The following SGCD variants were observed in gnomAD, a reference collection of about 807,000 sequenced individuals.
SGCD encodes sarcoglycan delta, also known as delta-sarcoglycan.
SGCD carries 18 observed loss-of-function variants against 36.6 expected under a neutral mutation model. The ratio of observed to expected loss-of-function variants is 0.49; its 90% CI spans 0.34 to 0.73. The LOEUF is 0.73. SGCD is among the 30% of genes least tolerant of loss of function. The probability of loss-of-function intolerance (pLI) is 0.01; values close to 1 mark genes in which losing one functional copy is unlikely to be tolerated. For synonymous variants in SGCD, 133 were observed against 130.6 expected (o/e 1.02, Z -0.12); for missense variants, 387 against 346.7 (o/e 1.12, Z -0.92).
intron 3 of SGCD, among the ~76,000 whole-genome samples, chr5:156,287,517 A>G (rs1277225238): frequency 6.6e-6 from 1 of 152,090 alleles, no homozygotes; most frequent in Non-Finnish European, 1.5e-5. Flanking sequence ...GGTGGAAAGA[A>G]ATAGGTGGTA....
At position 156,243,632 on chromosome 5, in the gene SGCD, C is replaced by T. The variant is rs1055699062; in HGVS notation, c.-43-85902C>T. On this transcript the variant is annotated intron_variant, in intron 3 of 9. Coordinates refer to the SGCD transcript ENST00000517913. ...AACAGTGACATCCAATAGCATGTAA[C>T]ACATGTAACACTCAAATATTGATTT... Among the ~76,000 whole-genome samples, 3 of 152,254 alleles carry T rather than the reference C, an allele frequency of 2.0e-5. No individual in the cohort carries two copies. The East Asian group carries it at 5.8e-4, about 29-fold the overall frequency.
intron 4 of SGCD, among the ~76,000 whole-genome samples, chr5:156,542,198 C>G (rs1758373856): frequency 6.6e-6 from 1 of 152,044 alleles, no homozygotes; most frequent in Non-Finnish European, 1.5e-5. Context: ...AGTAAGACAA[C>G]AGGTGCAATT....
intron 3 of SGCD, among the ~76,000 whole-genome samples, chr5:156,245,893 A>G (rs1215507186): frequency 6.6e-6 from 1 of 152,178 alleles, no homozygotes; most frequent in East Asian, 1.9e-4. Flanking sequence ...TCTCAAGAAA[A>G]GGGTGGCTAT....
chr5:155,842,934 TC>T, the SGCD span, among the ~76,000 whole-genome samples: 1 of 152,200 alleles, frequency 6.6e-6, no homozygotes, highest in Non-Finnish European at 1.5e-5. Context: ...CAGTTGTTTT[TC>T]GATTCTTTTC....
At chr5:155,739,665 T>C in the SGCD span, among the ~76,000 whole-genome samples, 2 of 152,166 alleles carry the variant, frequency 1.3e-5, no homozygotes, top group African/African-American at 4.8e-5. Context: ...CCAGTAAACA[T>C]TTATTCAGTC....
At chr5:156,050,776 A>G (rs1759895645) in intron 1 of SGCD, among the ~76,000 whole-genome samples, 1 of 146,734 alleles carries the variant, frequency 6.8e-6, no homozygotes, top group East Asian at 1.9e-4. Flanking sequence ...TCTAGAAGTT[A>G]TCTGCATTCC....
chr5:156,277,956 A>G (rs1766358781), intron 3 of SGCD, among the ~76,000 whole-genome samples: 1 of 152,178 alleles, frequency 6.6e-6, no homozygotes, highest in South Asian at 2.1e-4. Context: ...ACAATTGTAT[A>G]AGCAGTAAAG....
At chr5:155,916,048 G>A (rs1756727984) in intron 1 of SGCD, among the ~76,000 whole-genome samples, 1 of 152,168 alleles carries the variant, frequency 6.6e-6, no homozygotes, top group Admixed American at 6.6e-5. Context: ...ATTTTTACAA[G>A]CCCCCGGAGG....
chr5:156,689,817 T>G (rs1473937378), intron 7 of SGCD, among the ~76,000 whole-genome samples: 2 of 152,170 alleles, frequency 1.3e-5, no homozygotes, highest in Admixed American at 6.5e-5. Context: ...GTTCTGTGTC[T>G]TAAGCCCTGG....
rs1371673084 is a variant in SGCD, at chr5:156,021,786, G to A, written c.-281-96092G>A. Among the ~76,000 whole-genome samples, 5 of 152,206 alleles carry A rather than the reference G, an allele frequency of 3.3e-5. No individual in the cohort carries two copies. The East Asian group carries it at 9.7e-4, about 29-fold the overall frequency. On this transcript the variant is annotated intron_variant, in intron 1 of 9. Transcript: ENST00000517913. ...CAGGAGCCAGAGGAAGGAGCATGAG[G>A]GTGAGAAGCAGAAAGCATGAGAAGA...
intron 3 of SGCD, among the ~76,000 whole-genome samples, chr5:156,352,235 G>T (rs534622235): frequency 5.9e-5 from 9 of 152,286 alleles, no homozygotes; most frequent in African/African-American, 2.2e-4. Context: ...TCAGTGGATG[G>T]CATGATATCT....
At position 155,900,465 on chromosome 5, in the gene SGCD, G is replaced by A. The variant is rs138749097; in HGVS notation, c.-282+30041G>A. 9.7e-3 allele frequency among the ~76,000 whole-genome samples: 1,466 copies of A among 151,660 alleles called. 33 individuals are homozygous for A. Among genetic ancestry groups the A allele is most frequent in the African/African-American group, 0.034 (1,407 of 41,354 alleles). Reference sequence around the variant, plus strand: ...ATACTTTAAGTCTTAGGGTACATGTGCACAATATGCAGGTTAGTTACATAT... The same window carrying A: ...ATACTTTAAGTCTTAGGGTACATGTACACAATATGCAGGTTAGTTACATAT... On this transcript the variant is annotated intron_variant, in intron 1 of 9. Transcript: ENST00000517913.
At chr5:156,071,372 C>G (rs1760556770) in intron 1 of SGCD, among the ~76,000 whole-genome samples, 1 of 152,232 alleles carries the variant, frequency 6.6e-6, no homozygotes, top group South Asian at 2.1e-4. Flanking sequence ...TTATTTCTGC[C>G]TTCATTTCGT....
intron 6 of SGCD, among the ~76,000 whole-genome samples, chr5:156,619,162 A>G (rs1762141661): frequency 6.6e-6 from 1 of 151,874 alleles, no homozygotes; most frequent in Admixed American, 6.6e-5. Flanking sequence ...AGTAGCTGGG[A>G]CTACAGGCAC....
chr5:155,873,070 C>A (rs1214176451), intron 1 of SGCD, among the ~76,000 whole-genome samples: 1 of 152,140 alleles, frequency 6.6e-6, no homozygotes, highest in Non-Finnish European at 1.5e-5. Context: ...GTTATTGCCC[C>A]TTCAGGTACC....
intron 1 of SGCD, among the ~76,000 whole-genome samples, chr5:156,082,889 G>A (rs1581087969): frequency 6.6e-6 from 1 of 151,906 alleles, no homozygotes; most frequent in Non-Finnish European, 1.5e-5. Context: ...GTATGTATAT[G>A]TGATCCAGTT....
intron 1 of SGCD, among the ~76,000 whole-genome samples, chr5:156,044,889 A>G (rs77732553): frequency 0.067 from 10,192 of 152,166 alleles, 418 homozygotes; most frequent in Middle Eastern, 0.1. Context: ...ATATACACAC[A>G]TGCACACTGC....
At chr5:155,813,372 G>T in the SGCD span, among the ~76,000 whole-genome samples, 1 of 152,168 alleles carries the variant, frequency 6.6e-6, no homozygotes, top group African/African-American at 2.4e-5. Flanking sequence ...AACTGCAAGA[G>T]ATTTTTGCTT....
chr5:156,651,453 A>G (rs449858), intron 7 of SGCD, among the ~76,000 whole-genome samples: 131,138 of 152,126 alleles, frequency 0.86, 56,703 homozygotes, highest in East Asian at 0.99. Context: ...TAAATATTTA[A>G]TCCATCTTTA....
Sources: gnomAD v4.1 joint callset for allele counts (sites outside exome capture counted in the v4.1 genomes callset) on GRCh38, gnomAD v4.1.1 for gene constraint, MANE v1.5 for transcripts, NCBI Gene and HGNC (gene_info 2026-07-23, HGNC 2026-07-21) for gene names.